The following FHIT variants were observed in gnomAD, a reference collection of about 807,000 sequenced individuals.
The protein encoded by FHIT is fragile histidine triad diadenosine triphosphatase.
In FHIT, 19 loss-of-function variants were observed where a neutral mutation model predicts 17.9. The ratio of observed to expected loss-of-function variants is 1.06; its 90% CI spans 0.74 to 1.56. The LOEUF (loss-of-function observed/expected upper bound fraction) is 1.56. Among genes scored for constraint, FHIT ranks in the 40% most tolerant of loss-of-function variants. FHIT has a pLI of 0.00. For synonymous variants in FHIT, 81 were observed against 69.7 expected (o/e 1.16, Z -0.81); for missense variants, 248 against 189.2 (o/e 1.31, Z -1.82).
chr3:61,004,673 C>T (rs2031323453), intron 3 of FHIT, among the ~76,000 whole-genome samples: 2 of 152,102 alleles, frequency 1.3e-5, no homozygotes, highest in Admixed American at 1.3e-4. Flanking sequence ...AATACCTTGA[C>T]CTCACTCTCC....
chr3:60,780,454 G>A (rs79094900), intron 4 of FHIT, among the ~76,000 whole-genome samples: 1,561 of 152,222 alleles, frequency 0.01, 22 homozygotes, highest in African/African-American at 0.035. Flanking sequence ...CTCCCTCTAC[G>A]TGTGCAAACT....
At chr3:60,874,430 T>C (rs782344993) in intron 3 of FHIT, among the ~76,000 whole-genome samples, 18 of 152,194 alleles carry the variant, frequency 1.2e-4, no homozygotes, top group Admixed American at 5.2e-4. Context: ...TGAAACTGAA[T>C]GTGGAATGGT....
In FHIT at chr3:60,462,265, C is replaced by G. The variant is rs1020153036; in HGVS notation, c.103+74595G>C. Among the ~76,000 whole-genome samples, 10 of 152,264 alleles carry G rather than the reference C, an allele frequency of 6.6e-5. No individual in the cohort carries two copies. In the Middle Eastern group the frequency reaches 0.014, roughly 207 times the overall value. The stretch of plus-strand genomic sequence containing the variant: ...TCAACTCATTTACTCTCCACCACAC[C>G]TTTAAGAATGAGGTACAGTGATCAC... On this transcript the variant is annotated intron_variant, in intron 5 of 9. Coordinates refer to ENST00000492590, the MANE Select transcript of FHIT (RefSeq NM_002012.4).
intron 8 of FHIT, among the ~76,000 whole-genome samples, chr3:59,776,553 G>C (rs1164879256): frequency 6.6e-6 from 1 of 152,178 alleles, no homozygotes; most frequent in African/African-American, 2.4e-5. Flanking sequence ...AGCAGGGAAA[G>C]GGGAGAGACT....
intron 4 of FHIT, among the ~76,000 whole-genome samples, chr3:60,680,384 T>G (rs79447981): frequency 1.0e-3 from 156 of 152,278 alleles, no homozygotes; most frequent in African/African-American, 3.7e-3. Flanking sequence ...CCTTAGTTAT[T>G]TTTCTATTGA....
At chr3:60,563,986 A>T (rs2037045876) in intron 4 of FHIT, among the ~76,000 whole-genome samples, 1 of 152,196 alleles carries the variant, frequency 6.6e-6, no homozygotes. Context: ...AGGCGATGCC[A>T]TCAAGGACTG....
intron 3 of FHIT, among the ~76,000 whole-genome samples, chr3:60,910,849 C>G (rs1446704686): frequency 6.6e-6 from 1 of 152,286 alleles, no homozygotes; most frequent in East Asian, 1.9e-4. Context: ...TACAATAAGG[C>G]ACACATAGCC....
At chr3:60,477,122 C>G (rs1205034987) in intron 5 of FHIT, among the ~76,000 whole-genome samples, 2 of 151,872 alleles carry the variant, frequency 1.3e-5, no homozygotes, top group Non-Finnish European at 2.9e-5. Flanking sequence ...CAAAAATAAG[C>G]AATGAATTAA....
At chr3:60,119,948 T>C (rs1367849649) in intron 5 of FHIT, among the ~76,000 whole-genome samples, 1 of 152,162 alleles carries the variant, frequency 6.6e-6, no homozygotes, top group African/African-American at 2.4e-5. Context: ...TCCTGTGAAA[T>C]CTGTCCTTAC....
At chr3:61,063,428 A>C (rs1286821352) in intron 2 of FHIT, among the ~76,000 whole-genome samples, 1 of 152,152 alleles carries the variant, frequency 6.6e-6, no homozygotes, top group Non-Finnish European at 1.5e-5. Context: ...CCATGCTCTT[A>C]ACCATTGCAC....
chr3:61,094,103 T>C (rs1270121070), intron 2 of FHIT, among the ~76,000 whole-genome samples: 4 of 147,984 alleles, frequency 2.7e-5, no homozygotes, highest in Non-Finnish European at 4.4e-5. Context: ...TGCACATATA[T>C]ACATGTATGA....
chr3:60,933,001 G>C (rs538460087), intron 3 of FHIT, among the ~76,000 whole-genome samples: 1 of 152,170 alleles, frequency 6.6e-6, no homozygotes, highest in Non-Finnish European at 1.5e-5. Context: ...AAGTATGCTC[G>C]TGGAGAATTT....
Position 60,433,860 on chromosome 3 carries a change from C to G in FHIT, c.103+103000G>C, listed in dbSNP as rs2029964557. Among the ~76,000 whole-genome samples, 3 of 151,902 alleles carry G rather than the reference C, an allele frequency of 2.0e-5. No homozygotes were observed. The South Asian group carries it at 6.2e-4, about 32-fold the overall frequency. On this transcript the variant is annotated intron_variant, in intron 5 of 9. Coordinates refer to ENST00000492590, the MANE Select transcript of FHIT (RefSeq NM_002012.4). ...GTATGGTTCATTTTTTCTCCTATTC[C>G]ATAGGTGGCTTTTCCACTCTGTTGA... is the stretch of plus-strand genomic sequence containing the variant.
intron 3 of FHIT, among the ~76,000 whole-genome samples, chr3:60,963,009 C>G (rs148571993): frequency 6.6e-6 from 1 of 151,990 alleles, no homozygotes; most frequent in Non-Finnish European, 1.5e-5. Flanking sequence ...GAATGGTACC[C>G]GCTCCTCTTT....
chr3:59,826,388 A>C (rs1194209632), intron 8 of FHIT, among the ~76,000 whole-genome samples: 1 of 151,878 alleles, frequency 6.6e-6, no homozygotes, highest in Non-Finnish European at 1.5e-5. Context: ...CCTGTTCTTT[A>C]TTTTTTCTTT....
intron 4 of FHIT, among the ~76,000 whole-genome samples, chr3:60,685,403 C>T (rs1351106231): frequency 6.6e-6 from 1 of 152,108 alleles, no homozygotes; most frequent in Non-Finnish European, 1.5e-5. Flanking sequence ...TCTGCTGGTA[C>T]TTAAGATACT....
intron 4 of FHIT, among the ~76,000 whole-genome samples, chr3:60,716,280 T>C (rs1553706771): frequency 6.6e-6 from 1 of 151,908 alleles, no homozygotes; most frequent in South Asian, 2.1e-4. Flanking sequence ...CACACACACA[T>C]GCAAAAAACC....
chr3:59,811,674 C>T (rs2171077), intron 8 of FHIT, among the ~76,000 whole-genome samples: 11,536 of 152,138 alleles, frequency 0.076, 548 homozygotes, highest in Non-Finnish European at 0.11. Flanking sequence ...TTGCTCACAG[C>T]GCTAGTAATT....
At chr3:60,065,704 G>A (rs878860906) in intron 5 of FHIT, among the ~76,000 whole-genome samples, 1 of 152,144 alleles carries the variant, frequency 6.6e-6, no homozygotes, top group Non-Finnish European at 1.5e-5. Context: ...AGAGCTTCCT[G>A]TAGCAGGAAA....
Sources: gnomAD v4.1 joint callset for allele counts (sites outside exome capture counted in the v4.1 genomes callset) on GRCh38, gnomAD v4.1.1 for gene constraint, MANE v1.5 for transcripts, NCBI Gene and HGNC (gene_info 2026-07-23, HGNC 2026-07-21) for gene names.